The following MYO9B variants were observed in gnomAD, a reference collection of about 807,000 sequenced individuals.
MYO9B encodes unconventional myosin-IXb.
Under a neutral mutation model 229.5 loss-of-function variants are expected in MYO9B, and 71 were observed. The observed-to-expected ratio is 0.31, with a 90% confidence interval of 0.26 to 0.38. MYO9B has a LOEUF of 0.38. Among genes scored for constraint, MYO9B ranks in the 10% least tolerant of loss-of-function variants. The pLI is 1.00. For synonymous variants in MYO9B, 1,185 were observed against 1,235.8 expected, an observed-to-expected ratio of 0.96 and a Z score of 0.86; for missense variants, 2,255 against 2,920.5, an observed-to-expected ratio of 0.77 and a Z score of 5.25.
At chr19:17,164,328 G>T (rs2072636253) in intron 10 of MYO9B, among the ~76,000 whole-genome samples, 1 of 152,140 alleles carries the variant, frequency 6.6e-6, no homozygotes, top group East Asian at 1.9e-4. Context: ...TTGAGAAACA[G>T]GGTTGCCTTT....
chr19:17,199,710 T>C (rs1214321098), intron 24 of MYO9B, among the ~76,000 whole-genome samples: 2 of 149,152 alleles, frequency 1.3e-5, no homozygotes, highest in African/African-American at 2.5e-5. Context: ...CTTTTTTTTT[T>C]TTTTTGTATT....
chr19:17,105,497 A>C (rs188881798), intron 2 of MYO9B, among the ~76,000 whole-genome samples: 34 of 152,062 alleles, frequency 2.2e-4, no homozygotes, highest in Middle Eastern at 3.4e-3. Flanking sequence ...CCTGTCCCCC[A>C]AAAAAAGGGG....
intron 1 of MYO9B, among the ~76,000 whole-genome samples, chr19:17,085,649 T>C (rs2057575039): frequency 1.4e-5 from 2 of 143,620 alleles, no homozygotes; most frequent in African/African-American, 5.2e-5. Context: ...CATAGGGAGA[T>C]CCCGTCTTTA....
chr19:17,186,338 C>G (rs143595965), intron 18 of MYO9B, among the ~76,000 whole-genome samples: 1 of 152,296 alleles, frequency 6.6e-6, no homozygotes, highest in African/African-American at 2.4e-5. Context: ...GAGGCACACA[C>G]AGCCCGCTGC....
At position 17,117,864 on chromosome 19, in the gene MYO9B, G is replaced by C. The variant is rs1470819002; in HGVS notation, c.840+15307G>C. On this transcript the variant is annotated intron_variant, in intron 2 of 39. Transcript: ENST00000682292. ...GAGGCAGGAGAATGGCTTGAACCCG[G>C]GAGTCAGAAGTTGCAGTGAGCCAAG... is the stretch of plus-strand genomic sequence containing the variant. Among the ~76,000 whole-genome samples the C allele has an allele frequency of 2.0e-5, 3 of 150,732 alleles. No homozygotes were observed. The East Asian group carries it at 5.9e-4, about 29-fold the overall frequency.
At chr19:17,153,695 CAAAAA>C (rs60449061) in intron 4 of MYO9B, among the ~76,000 whole-genome samples, 3 of 120,702 alleles carry the variant, frequency 2.5e-5, no homozygotes, top group Admixed American at 8.6e-5. Flanking sequence ...GACCGTATCT[CAAAAA>C]AAAAAAAAAA....
intron 8 of MYO9B, among the ~76,000 whole-genome samples, chr19:17,160,397 C>T (rs1195415505): frequency 6.6e-6 from 1 of 151,920 alleles, no homozygotes; most frequent in Non-Finnish European, 1.5e-5. Context: ...GAGGGGGACA[C>T]ATTCTAGATC....
At chr19:17,093,112 A>G (rs1347443937) in intron 1 of MYO9B, among the ~76,000 whole-genome samples, 1 of 152,140 alleles carries the variant, frequency 6.6e-6, no homozygotes, top group East Asian at 1.9e-4. Context: ...TGGGCGGATC[A>G]CCTGAGGTCA....
rs1555701612 is a variant in MYO9B at position 17,180,341 on chromosome 19, A to ATCTTTTT, written c.2220-585_2220-584insCTTTTTT. ...AAAGTGGAATGACCAGATGGAAATA[A>ATCTTTTT]TTTTTTTTTTTTTTTTTTTTTTTTT... On this transcript the variant is annotated intron_variant, in intron 14 of 39. Transcript: ENST00000682292. 4.5e-5 allele frequency among the ~76,000 whole-genome samples: 4 copies of ATCTTTTT among 88,002 alleles called. 1 individual carries two copies. The highest frequency in any genetic ancestry group is 2.1e-5 in the Non-Finnish European group (1 of 48,454). The allele number at this position is 88,002 out of a possible 152,430, so 57.7% of individuals were successfully genotyped here.
At chr19:17,203,858 T>C (rs1424984773) in intron 30 of MYO9B, among the ~76,000 whole-genome samples, 1 of 151,914 alleles carries the variant, frequency 6.6e-6, no homozygotes, top group East Asian at 1.9e-4. Context: ...CATCGGCCCC[T>C]CCTTCCCCAG....
At chr19:17,111,102 A>G (rs1281336626) in intron 2 of MYO9B, among the ~76,000 whole-genome samples, 4 of 152,168 alleles carry the variant, frequency 2.6e-5, no homozygotes, top group Non-Finnish European at 4.4e-5. Flanking sequence ...TGCCTGGGCC[A>G]CGTCCTTTCC....
intron 2 of MYO9B, among the ~76,000 whole-genome samples, chr19:17,110,827 G>C (rs2057840875): frequency 1.3e-5 from 2 of 152,076 alleles, no homozygotes; most frequent in African/African-American, 4.8e-5. Flanking sequence ...TTCCAGTGAG[G>C]GACTGAGGAA....
In MYO9B at chr19:17,078,818, C is replaced by T. The variant is rs546050609; in HGVS notation, c.-59+2944C>T. Among the ~76,000 whole-genome samples, 12 of 152,314 alleles carry T rather than the reference C, an allele frequency of 7.9e-5. No individual in the cohort carries two copies. The South Asian group carries it at 2.5e-3, about 32-fold the overall frequency. On this transcript the variant is annotated intron_variant, in intron 1 of 39. Transcript: ENST00000682292. ...ATCCCAGCTCTCTCATTCTGCCAAC[C>T]GGCAGTGCGAGGGTCCTTGTTCTTA... is the stretch of plus-strand genomic sequence containing the variant.
intron 26 of MYO9B, 64 bp downstream of exon 26, chr19:17,200,893 G>T: frequency 6.4e-7 from 1 of 1,550,778 alleles, no homozygotes; most frequent in Non-Finnish European, 8.8e-7. Context: ...ATCACAGCCA[G>T]GCATTGTTTT....
In MYO9B at chr19:17,201,988, G is replaced by T. The variant is rs977508194; in HGVS notation, c.4626G>T (p.Lys1542Asn). ...IESLFIEATE[K>N]FRSNIKTMYS... is the part of the protein sequence containing the mutation. ...GCTTGTTTATCGAAGCCACCGAGAA[G>T]TTCAGGAGCAACATCAAAACGATGT... Residue 1542 changes from lysine to asparagine, a missense_variant, in exon 27 of 40, where the codon AAG (lysine) becomes AAT (asparagine). Lys to Asn is a moderately conservative substitution (Grantham distance 94). Around this residue, in one of 7 missense-constraint regions of MYO9B, gnomAD observed 416 missense variants for 605.5 expected, o/e 0.69. Transcript: ENST00000682292. 4.3e-6 allele frequency: 7 copies of T among 1,613,038 alleles called. No homozygotes were observed. Among genetic ancestry groups the T allele is most frequent in the Non-Finnish European group, 5.9e-6 (7 of 1,179,614 alleles).
At position 17,153,994 on chromosome 19, in the gene MYO9B, A is replaced by G; in HGVS notation, c.1026A>G (p.Leu342=). The G allele has an allele frequency of 6.2e-7, 1 of 1,613,860 alleles. No homozygotes were observed. The highest frequency in any genetic ancestry group is 8.5e-7 in the Non-Finnish European group (1 of 1,179,832). ...ERNYHVFYYL[L]LGVSEEERQE... is the part of the protein sequence containing the mutation. ...ACTACCATGTGTTTTATTATTTGTT[A>G]CTTGGGGTCAGCGAGGAAGAGCGCC... Residue 342 remains leucine (L), a synonymous_variant, in exon 5 of 40, where the codon TTA becomes TTG. Transcript: ENST00000682292.
chr19:17,081,202 A>G (rs1029065763), intron 1 of MYO9B, among the ~76,000 whole-genome samples: 2 of 151,872 alleles, frequency 1.3e-5, no homozygotes, highest in Admixed American at 6.6e-5. Context: ...TACTTTTTGT[A>G]TTTTTAGTAG....
rs578061026 is a variant in MYO9B at position 17,189,922 on chromosome 19, G to A, written c.2689-1175G>A. ...ACTAAAAAAAATTTAAAAATTAGCC[G>A]GGAGAGGTGGCGGGTGCCTGTAGTC... On this transcript the variant is annotated intron_variant, in intron 19 of 39. Transcript: ENST00000682292. Among the ~76,000 whole-genome samples, 51 of 151,926 alleles carry A rather than the reference G, an allele frequency of 3.4e-4. No individual in the cohort carries two copies. In the East Asian group the frequency reaches 5.3e-3, roughly 16 times the overall value.
intron 1 of MYO9B, among the ~76,000 whole-genome samples, chr19:17,096,663 T>TTG (rs2057691730): frequency 1.5e-4 from 17 of 115,726 alleles, no homozygotes; most frequent in African/African-American, 2.3e-4. Flanking sequence ...GTTCAGATAG[T>TTG]TTGTTGTTGT....
Sources: allele counts gnomAD v4.1 joint callset (sites outside exome capture counted in the v4.1 genomes callset), GRCh38; gene constraint gnomAD v4.1.1; regional missense constraint gnomAD v4.1.1; transcripts MANE v1.5; gene names NCBI Gene and HGNC (gene_info 2026-07-23, HGNC 2026-07-21).